Variants in CPLX1 observed in about 807,000 individuals in gnomAD.
CPLX1 encodes the protein complexin-1.
Under a neutral mutation model 15.6 loss-of-function variants are expected in CPLX1, and 6 were observed. The observed-to-expected ratio is 0.39, with a 90% confidence interval of 0.21 to 0.76. The LOEUF is 0.76. Ranked by LOEUF, CPLX1 falls within the 30% of genes least tolerant of loss-of-function variation. The pLI is 0.43. For synonymous variants in CPLX1, 91 were observed against 75.2 expected, an observed-to-expected ratio of 1.21 and a Z score of -1.08; for missense variants, 242 against 188.6, an observed-to-expected ratio of 1.28 and a Z score of -1.66.
chr4:822,080 ACTGTCTCTCCCTCTGTCT>A (rs1279931694), intron 2 of CPLX1, among the ~76,000 whole-genome samples: 1,877 of 150,478 alleles, frequency 0.012, 43 homozygotes, highest in African/African-American at 0.041. Flanking sequence ...CTCTCTCCCC[ACTGTCTCTCCCTCTGTCT>A]CTGTCTCTCC....
chr4:813,695 A>G (rs1304820109), intron 2 of CPLX1, among the ~76,000 whole-genome samples: 3 of 152,202 alleles, frequency 2.0e-5, no homozygotes, highest in Non-Finnish European at 4.4e-5. Flanking sequence ...CCCTCACTCA[A>G]GCCCAGTCCA....
rs899126384 is a variant in CPLX1, at chr4:786,007, G to A, written c.*494C>T. The A allele has an allele frequency of 7.0e-6, 1 of 142,752 alleles. No homozygotes were observed. Among genetic ancestry groups the A allele is most frequent in the Admixed American group, 6.9e-5 (1 of 14,422 alleles). The allele number at this position is 142,752 out of a possible 1,614,324, so 8.8% of individuals were successfully genotyped here. ...CGAGGGGGCCAGGCCGGGGGGCGGA[G>A]AGCGGCCGCGTGCGGACGCAAATAC... On this transcript the variant is annotated 3_prime_UTR_variant, in exon 4 of 4. Coordinates refer to ENST00000304062, the MANE Select transcript of CPLX1 (RefSeq NM_006651.4).
chr4:801,627 C>T (rs1746462157), intron 2 of CPLX1, among the ~76,000 whole-genome samples: 1 of 152,212 alleles, frequency 6.6e-6, no homozygotes, highest in African/African-American at 2.4e-5. Context: ...CCGGGAGCAC[C>T]AGGCTACCCC....
chr4:793,712 A>T (rs1485028623), intron 2 of CPLX1, among the ~76,000 whole-genome samples: 2 of 152,136 alleles, frequency 1.3e-5, no homozygotes, highest in Admixed American at 6.5e-5. Flanking sequence ...TGCCCCTGCA[A>T]ATGCCGCTCT....
At chr4:818,183 A>AAGCATGGTTCGCCCC (rs1746796015) in intron 2 of CPLX1, among the ~76,000 whole-genome samples, 3 of 152,208 alleles carry the variant, frequency 2.0e-5, no homozygotes, top group Admixed American at 6.5e-5. Flanking sequence ...GGTCCAAGCC[A>AAGCATGGTTCGCCCC]AGCCTGGTTC....
chr4:821,358 T>G (rs1366083357), intron 2 of CPLX1, among the ~76,000 whole-genome samples: 1 of 152,142 alleles, frequency 6.6e-6, no homozygotes, highest in African/African-American at 2.4e-5. Flanking sequence ...CCTCCCACTC[T>G]GCACCCCAGC....
intron 3 of CPLX1, 73 bp from the exon 4 acceptor site, chr4:786,771 G>C: frequency 1.3e-6 from 2 of 1,509,044 alleles, no homozygotes; most frequent in Non-Finnish European, 1.8e-6. Flanking sequence ...CTGCGCCAGG[G>C]ACTGGCCCAG....
chr4:819,463 C>T (rs990589181), intron 2 of CPLX1, among the ~76,000 whole-genome samples: 2 of 152,230 alleles, frequency 1.3e-5, no homozygotes, highest in Admixed American at 6.5e-5. Context: ...CTCGACCACA[C>T]GGCGTTTGTG....
At chr4:799,858 G>A (rs903552316) in intron 2 of CPLX1, among the ~76,000 whole-genome samples, 3 of 152,036 alleles carry the variant, frequency 2.0e-5, no homozygotes, top group African/African-American at 4.8e-5. Flanking sequence ...GGCAGGCTCC[G>A]TCTCAAAAAA....
intron 2 of CPLX1, among the ~76,000 whole-genome samples, chr4:796,753 G>A (rs1057285643): frequency 4.6e-5 from 7 of 152,186 alleles, no homozygotes; most frequent in Non-Finnish European, 7.3e-5. Context: ...CCCAAACTCC[G>A]AAGAATTAAG....
At chr4:791,903 C>T (rs1209098164) in intron 3 of CPLX1, among the ~76,000 whole-genome samples, 1 of 152,238 alleles carries the variant, frequency 6.6e-6, no homozygotes, top group African/African-American at 2.4e-5. Context: ...CCGAGGAAGC[C>T]GGAGCGGCTG....
chr4:822,187 CCT>C (rs2152648868), intron 2 of CPLX1, among the ~76,000 whole-genome samples: 1 of 151,180 alleles, frequency 6.6e-6, no homozygotes, highest in Middle Eastern at 3.5e-3. Context: ...TCTGTCTCTC[CCT>C]CTGTCTCTGT....
intron 2 of CPLX1, among the ~76,000 whole-genome samples, chr4:801,536 T>A (rs937586007): frequency 3.9e-5 from 6 of 152,202 alleles, no homozygotes; most frequent in Middle Eastern, 3.2e-3. Context: ...TATGTTTAGA[T>A]GTGCTTAGGT....
intron 2 of CPLX1, among the ~76,000 whole-genome samples, chr4:813,116 T>A (rs1296532728): frequency 3.3e-5 from 5 of 150,964 alleles, no homozygotes; most frequent in Non-Finnish European, 7.4e-5. Flanking sequence ...AATGCAAAAA[T>A]TAGCTGGGTG....
Position 786,354 on chromosome 4 carries a change from G to T in CPLX1, c.*147C>A. ...GGGGCGCGCGCCCCTTGCCGGGTGA[G>T]GGAGGCGGCGGGCGCGGGCAGGGCG... On this transcript the variant is annotated 3_prime_UTR_variant, in exon 4 of 4. Coordinates refer to ENST00000304062, the MANE Select transcript of CPLX1 (RefSeq NM_006651.4). 2.4e-6 allele frequency: 2 copies of T among 832,544 alleles called. No homozygotes were observed. Among genetic ancestry groups the T allele is most frequent in the Non-Finnish European group, 3.4e-6 (2 of 587,444 alleles). 51.6% of individuals were successfully genotyped at this position (832,544 alleles called of 1,614,324 possible).
At chr4:789,829 C>T (rs569615683) in intron 3 of CPLX1, among the ~76,000 whole-genome samples, 56 of 152,346 alleles carry the variant, frequency 3.7e-4, no homozygotes, top group Admixed American at 3.3e-3. Context: ...CTAACCAACC[C>T]CCAAGATGCC....
chr4:801,852 G>A (rs542154070), intron 2 of CPLX1, among the ~76,000 whole-genome samples: 18 of 152,346 alleles, frequency 1.2e-4, no homozygotes, highest in African/African-American at 4.3e-4. Context: ...ATCACACAGA[G>A]ATACCACCAC....
chr4:814,863 C>T (rs1164997661), intron 2 of CPLX1, among the ~76,000 whole-genome samples: 4 of 152,192 alleles, frequency 2.6e-5, no homozygotes, highest in Non-Finnish European at 5.9e-5. Flanking sequence ...GCGTTCAAGC[C>T]GTCCACCAGG....
intron 3 of CPLX1, chr4:787,485 G>A (rs1746035125): frequency 5.1e-6 from 4 of 787,986 alleles, no homozygotes; most frequent in African/African-American, 3.8e-5. Flanking sequence ...GGATGGGGAC[G>A]AGGCCATCCT....
Sources: gnomAD v4.1 joint callset for allele counts (sites outside exome capture counted in the v4.1 genomes callset) on GRCh38, gnomAD v4.1.1 for gene constraint, MANE v1.5 for transcripts, NCBI Gene and HGNC (gene_info 2026-07-23, HGNC 2026-07-21) for gene names.